The following SEPTIN11 variants were observed in gnomAD, a reference collection of about 807,000 sequenced individuals.
SEPTIN11 encodes septin-11.
Under a neutral mutation model 51.4 loss-of-function variants are expected in SEPTIN11, and 25 were observed. The observed-to-expected ratio is 0.49, with a 90% CI of 0.35 to 0.68. The LOEUF (loss-of-function observed/expected upper bound fraction) is 0.68. SEPTIN11 is among the 30% of genes least tolerant of loss of function. The pLI is 0.00. For missense variants in SEPTIN11, 381 were observed against 520.8 expected (o/e 0.73, Z 2.61); for synonymous variants, 174 against 184.1 (o/e 0.95, Z 0.44).
At chr4:77,034,469 CT>C in intron 9 of SEPTIN11, 27 bp from the exon 10 acceptor site, 1 of 1,506,848 alleles carries the variant, frequency 6.6e-7, no homozygotes, top group African/African-American at 1.4e-5. Context: ...TTATTTCTAA[CT>C]TTTTTGTTTT....
At chr4:76,957,733 T>C (rs1721625197) in intron 1 of SEPTIN11, among the ~76,000 whole-genome samples, 4 of 152,054 alleles carry the variant, frequency 2.6e-5, no homozygotes, top group Admixed American at 2.6e-4. Context: ...TCCCATTTTC[T>C]AATCATAGCA....
intron 1 of SEPTIN11, among the ~76,000 whole-genome samples, chr4:76,974,087 C>T (rs1722374412): frequency 6.6e-6 from 1 of 152,134 alleles, no homozygotes; most frequent in African/African-American, 2.4e-5. Context: ...TATGCTTTTC[C>T]AGCAATCTTT....
chr4:76,952,200 A>G (rs374233646), intron 1 of SEPTIN11, among the ~76,000 whole-genome samples: 1 of 151,418 alleles, frequency 6.6e-6, no homozygotes, highest in South Asian at 2.1e-4. Context: ...ACACAGCTCC[A>G]TGGAATCTAC....
intron 3 of SEPTIN11, among the ~76,000 whole-genome samples, chr4:77,011,182 A>T (rs1201257359): frequency 6.6e-6 from 1 of 152,134 alleles, no homozygotes; most frequent in African/African-American, 2.4e-5. Context: ...AGGGCAGATG[A>T]CCAGGGAATA....
intron 1 of SEPTIN11, among the ~76,000 whole-genome samples, chr4:76,976,321 A>G (rs1173660645): frequency 6.6e-6 from 1 of 152,062 alleles, no homozygotes; most frequent in Non-Finnish European, 1.5e-5. Context: ...TTCACTTCCT[A>G]TACTTGTGTT....
Position 77,005,596 on chromosome 4 carries a change from T to C in SEPTIN11, c.143-5T>C, listed in dbSNP as rs894052178. The C allele has an allele frequency of 1.2e-6, 2 of 1,611,256 alleles. No homozygotes were observed. The highest frequency in any genetic ancestry group is 1.1e-5 in the South Asian group (1 of 90,680). On this transcript the variant is annotated splice_region_variant and splice_polypyrimidine_tract_variant and intron_variant, in intron 2 of 9. Transcript: ENST00000264893. The stretch of plus-strand genomic sequence containing the variant: ...TTCTCTGATTTTTCTTTTGTGGTTA[T>C]GTAGGTGAGACAGGCATTGGCAAAT...
rs1553973639 is a variant in SEPTIN11, at chr4:77,011,699, G to A, written c.339-36G>A. ...AATGGAGGATTGTCCTGTGAAAGAGGTTTGAGACTAGAAACATGCTGTTTC... is the reference window on the plus strand; with the variant it reads ...AATGGAGGATTGTCCTGTGAAAGAGATTTGAGACTAGAAACATGCTGTTTC... On this transcript the variant is annotated intron_variant, in intron 3 of 9. Coordinates refer to ENST00000264893, the MANE Select transcript of SEPTIN11 (RefSeq NM_018243.4). 2.5e-6 allele frequency: 4 copies of A among 1,595,392 alleles called. No homozygotes were observed. In the South Asian group the frequency reaches 4.4e-5, roughly 18 times the overall value.
At chr4:77,032,860 G>A (rs1020653305) in intron 9 of SEPTIN11, among the ~76,000 whole-genome samples, 2 of 152,086 alleles carry the variant, frequency 1.3e-5, no homozygotes, top group Non-Finnish European at 2.9e-5. Context: ...CCCAGTGTAG[G>A]GAGGTTTTTC....
In SEPTIN11 at chr4:76,950,517, G is replaced by C. The variant is rs114510586; in HGVS notation, c.27+587G>C. On this transcript the variant is annotated intron_variant, in intron 1 of 9. Transcript: ENST00000264893. ...CCAGATAACACACACAAAGTTTTCT[G>C]GAGGCTCCCTTGTGGTGTGGGTGGA... Among the ~76,000 whole-genome samples, 1,261 of 152,356 alleles carry C rather than the reference G, an allele frequency of 8.3e-3. 18 individuals are homozygous for C. The highest frequency in any genetic ancestry group is 0.029 in the African/African-American group (1,199 of 41,586).
intron 1 of SEPTIN11, among the ~76,000 whole-genome samples, chr4:76,979,592 GCAAA>G (rs1722664297): frequency 6.6e-6 from 1 of 152,028 alleles, no homozygotes; most frequent in African/African-American, 2.4e-5. Flanking sequence ...TTTTAAAAGG[GCAAA>G]CAAAGGGCCA....
At chr4:76,975,136 GAA>G (rs200578172) in intron 1 of SEPTIN11, among the ~76,000 whole-genome samples, 20 of 112,778 alleles carry the variant, frequency 1.8e-4, no homozygotes, top group Middle Eastern at 4.2e-3. Flanking sequence ...GAAGAAAAAA[GAA>G]AAAAAAAAAA....
At chr4:76,960,712 T>C (rs1721793359) in intron 1 of SEPTIN11, among the ~76,000 whole-genome samples, 2 of 152,206 alleles carry the variant, frequency 1.3e-5, no homozygotes, top group African/African-American at 2.4e-5. Context: ...CCTCAGTGGC[T>C]TTTCCTATTT....
chr4:77,039,671 T>G (rs1234927695), downstream of SEPTIN11: 1 of 984,994 alleles, frequency 1.0e-6, no homozygotes, highest in African/African-American at 1.7e-5. Context: ...TCATTTGATA[T>G]TGCATGAACA....
At chr4:76,989,435 C>T (rs919862854) in intron 1 of SEPTIN11, among the ~76,000 whole-genome samples, 2 of 152,186 alleles carry the variant, frequency 1.3e-5, no homozygotes, top group African/African-American at 4.8e-5. Flanking sequence ...ACCTTGGTAA[C>T]ATGCTGTCTT....
chr4:77,028,605 C>G, intron 7 of SEPTIN11, 24 bp from the exon 8 acceptor site: 1 of 1,571,112 alleles, frequency 6.4e-7, no homozygotes, highest in Non-Finnish European at 8.6e-7. Flanking sequence ...ATGATGCTGT[C>G]CTTCGTTTGT....
intron 1 of SEPTIN11, among the ~76,000 whole-genome samples, chr4:76,951,363 G>A (rs1430295382): frequency 6.6e-6 from 1 of 152,136 alleles, no homozygotes; most frequent in Non-Finnish European, 1.5e-5. Context: ...TTAATGACAT[G>A]GCTCTTTTAA....
chr4:76,952,296 G>A (rs1721383905), intron 1 of SEPTIN11, among the ~76,000 whole-genome samples: 1 of 152,228 alleles, frequency 6.6e-6, no homozygotes, highest in Non-Finnish European at 1.5e-5. Context: ...AGGGTGCGCT[G>A]AGGGAAAAGA....
chr4:76,987,395 C>T (rs1045193450), intron 1 of SEPTIN11, among the ~76,000 whole-genome samples: 3 of 152,124 alleles, frequency 2.0e-5, no homozygotes, highest in African/African-American at 7.2e-5. Context: ...TTCAAATCAT[C>T]TTTAAAGAAT....
At chr4:77,016,653 T>TATATATATATATATATATAC (rs1725320506) in intron 5 of SEPTIN11, among the ~76,000 whole-genome samples, 1 of 123,946 alleles carries the variant, frequency 8.1e-6, no homozygotes, top group Non-Finnish European at 1.7e-5. Context: ...TATATATATA[T>TATATATATATATATATATAC]ATACACATAT....
Sources: allele counts gnomAD v4.1 joint callset (sites outside exome capture counted in the v4.1 genomes callset), GRCh38; gene constraint gnomAD v4.1.1; transcripts MANE v1.5; gene names NCBI Gene and HGNC (gene_info 2026-07-23, HGNC 2026-07-21).